Variants in LRBA observed in about 807,000 individuals in gnomAD.
LRBA encodes lipopolysaccharide-responsive and beige-like anchor protein.
In LRBA, 176 loss-of-function variants were observed where a neutral mutation model predicts 330.0. That is an observed-to-expected ratio of 0.53 (90% CI 0.47 to 0.60). The LOEUF (loss-of-function observed/expected upper bound fraction) is 0.60, where lower values mean the gene tolerates loss of function less well. Among genes scored for constraint, LRBA ranks in the 20% least tolerant of loss-of-function variants. The pLI is 0.00. For synonymous variants in LRBA, 1,230 were observed against 1,193.0 expected, an observed-to-expected ratio of 1.03 and a Z score of -0.64; for missense variants, 3,259 against 3,444.8, an observed-to-expected ratio of 0.95 and a Z score of 1.35.
chr4:150,613,155 T>C (rs371612359), intron 37 of LRBA, among the ~76,000 whole-genome samples: 42 of 152,310 alleles, frequency 2.8e-4, no homozygotes, highest in African/African-American at 9.6e-4. Context: ...ACTTGTTCAT[T>C]TAATCAAAAA....
intron 42 of LRBA, among the ~76,000 whole-genome samples, chr4:150,472,915 C>T (rs1395284485): frequency 1.3e-5 from 2 of 151,886 alleles, no homozygotes; most frequent in East Asian, 1.9e-4. Flanking sequence ...ACAGTTTTTG[C>T]TATTATAAAT....
At chr4:150,273,229 A>G (rs1262712014) in intron 56 of LRBA, among the ~76,000 whole-genome samples, 1 of 152,230 alleles carries the variant, frequency 6.6e-6, no homozygotes, top group Non-Finnish European at 1.5e-5. Flanking sequence ...TAAGCAAAGG[A>G]GAAATAAAAT....
At chr4:150,501,982 G>A (rs1318023743) in intron 40 of LRBA, among the ~76,000 whole-genome samples, 1 of 152,168 alleles carries the variant, frequency 6.6e-6, no homozygotes, top group Non-Finnish European at 1.5e-5. Context: ...AGAACGTAAT[G>A]GTCTCCTGCA....
At chr4:150,809,885 GAT>G (rs1743406587) in intron 31 of LRBA, among the ~76,000 whole-genome samples, 1 of 147,500 alleles carries the variant, frequency 6.8e-6, no homozygotes, top group Non-Finnish European at 1.5e-5. Context: ...GATACGATAC[GAT>G]ACGATACGAT....
At chr4:150,724,595 A>G (rs555371239) in intron 36 of LRBA, among the ~76,000 whole-genome samples, 2 of 152,260 alleles carry the variant, frequency 1.3e-5, no homozygotes, top group South Asian at 4.1e-4. Context: ...AGGCACCAGG[A>G]ACCAATTCTG....
At chr4:150,579,407 T>C (rs1487384207) in intron 40 of LRBA, 2 of 447,058 alleles carry the variant, frequency 4.5e-6, no homozygotes, top group African/African-American at 4.1e-5. Context: ...GAGGGAGCAT[T>C]ATTTGCTGGA....
intron 22 of LRBA, among the ~76,000 whole-genome samples, chr4:150,856,835 T>G (rs1208172999): frequency 6.6e-6 from 1 of 152,182 alleles, no homozygotes; most frequent in Non-Finnish European, 1.5e-5. Flanking sequence ...GTTTGTAATG[T>G]TTGGAAAGCA....
intron 47 of LRBA, among the ~76,000 whole-genome samples, chr4:150,374,855 A>G (rs1441004681): frequency 6.6e-6 from 1 of 152,214 alleles, no homozygotes; most frequent in Admixed American, 6.5e-5. Flanking sequence ...TCCAAAATAC[A>G]GTTGCTTAAA....
rs144185377 is a variant in LRBA, at chr4:150,568,278, A to G, written c.6330+19770T>C. Among the ~76,000 whole-genome samples the G allele has an allele frequency of 6.5e-4, 99 of 152,316 alleles. No individual in the cohort carries two copies. In the East Asian group the frequency reaches 0.012, roughly 18 times the overall value. On this transcript the variant is annotated intron_variant, in intron 40 of 56. Coordinates refer to ENST00000651943, the MANE Select transcript of LRBA (RefSeq NM_001364905.1). ...AGACAAAGACTTCAGATTGGGGGCC[A>G]ATGTGAAACAAAGTTGAATAGGTAG...
intron 56 of LRBA, among the ~76,000 whole-genome samples, chr4:150,268,806 A>G (rs1745691679): frequency 6.6e-6 from 1 of 152,220 alleles, no homozygotes; most frequent in African/African-American, 2.4e-5. Flanking sequence ...ACTCGATGAA[A>G]AAAAGTTTTT....
chr4:150,726,705 G>C (rs576595533), intron 36 of LRBA, among the ~76,000 whole-genome samples: 1 of 152,068 alleles, frequency 6.6e-6, no homozygotes, highest in African/African-American at 2.4e-5. Context: ...ACTATTACGA[G>C]AACATCATGG....
intron 2 of LRBA, among the ~76,000 whole-genome samples, chr4:150,936,968 T>A (rs906300151): frequency 3.3e-5 from 5 of 152,068 alleles, no homozygotes; most frequent in African/African-American, 1.2e-4. Context: ...CATCTTAATA[T>A]TACTTACATC....
At chr4:150,442,078 T>C (rs186296564) in intron 44 of LRBA, among the ~76,000 whole-genome samples, 1 of 152,168 alleles carries the variant, frequency 6.6e-6, no homozygotes, top group Non-Finnish European at 1.5e-5. Flanking sequence ...TGGACTATAC[T>C]TATAGTTATT....
chr4:150,355,510 A>G (rs1737719776), intron 47 of LRBA, among the ~76,000 whole-genome samples: 1 of 152,096 alleles, frequency 6.6e-6, no homozygotes. Flanking sequence ...AAAAGATCAA[A>G]TATTCTTTAT....
intron 18 of LRBA, 114 bp from the exon 19 acceptor site, chr4:150,871,567 A>C: frequency 1.6e-6 from 1 of 615,158 alleles, no homozygotes; most frequent in Admixed American, 2.2e-5. Context: ...ACAATTCCCA[A>C]CTCAATTACT....
chr4:150,490,164 C>G (rs1200353321), intron 41 of LRBA, among the ~76,000 whole-genome samples: 1 of 151,514 alleles, frequency 6.6e-6, no homozygotes, highest in Admixed American at 6.6e-5. Flanking sequence ...AATTTGTATT[C>G]CCTAAAGACA....
At chr4:150,616,661 G>A (rs1186662438) in intron 37 of LRBA, among the ~76,000 whole-genome samples, 1 of 152,150 alleles carries the variant, frequency 6.6e-6, no homozygotes, top group Non-Finnish European at 1.5e-5. Flanking sequence ...GGTGGGAAAA[G>A]AGCTTGAGTG....
chr4:150,822,704 T>C (rs563358175), intron 30 of LRBA, among the ~76,000 whole-genome samples: 7 of 152,208 alleles, frequency 4.6e-5, no homozygotes, highest in African/African-American at 1.7e-4. Context: ...CAGTGAGCTA[T>C]GACTGCCACT....
intron 20 of LRBA, 131 bp from the exon 21 acceptor site, chr4:150,868,436 T>TAA: frequency 2.1e-6 from 1 of 485,064 alleles, no homozygotes; most frequent in African/African-American, 2.0e-5. Context: ...CTTCTGTTAT[T>TAA]AAAAAAAATC....
Sources: allele counts gnomAD v4.1 joint callset (sites outside exome capture counted in the v4.1 genomes callset), GRCh38; gene constraint gnomAD v4.1.1; transcripts MANE v1.5; gene names NCBI Gene and HGNC (gene_info 2026-07-23, HGNC 2026-07-21).